Variants in CDH18 observed in about 807,000 individuals in gnomAD.
The protein encoded by CDH18 is cadherin 18.
In CDH18, 31 loss-of-function variants were observed where a neutral mutation model predicts 67.9. The ratio of observed to expected loss-of-function variants is 0.46; its 90% CI spans 0.34 to 0.62. The LOEUF (loss-of-function observed/expected upper bound fraction) is 0.62, where lower values mean the gene tolerates loss of function less well. CDH18 is among the 20% of genes least tolerant of loss of function. The probability of loss-of-function intolerance (pLI) is 0.01; values close to 1 mark genes in which losing one functional copy is unlikely to be tolerated. For missense variants in CDH18, 890 were observed against 975.5 expected, an observed-to-expected ratio of 0.91 and a Z score of 1.17; for synonymous variants, 362 against 347.2, an observed-to-expected ratio of 1.04 and a Z score of -0.48.
intron 2 of CDH18, among the ~76,000 whole-genome samples, chr5:20,055,990 CTTTTTTTTTTTTTTTT>C (rs34736791): frequency 1.6e-4 from 12 of 73,790 alleles, no homozygotes; most frequent in Non-Finnish European, 2.2e-4. Flanking sequence ...TTTTGGTTTC[CTTTTTTTTTTTTTTTT>C]TTTTTTTTTT....
At chr5:20,114,160 C>G (rs972133360) in intron 2 of CDH18, among the ~76,000 whole-genome samples, 1 of 152,160 alleles carries the variant, frequency 6.6e-6, no homozygotes, top group Non-Finnish European at 1.5e-5. Flanking sequence ...CTATCTGAAT[C>G]AAGGAGAGTT....
At chr5:19,491,645 A>G (rs1358436669) in intron 11 of CDH18, among the ~76,000 whole-genome samples, 1 of 152,206 alleles carries the variant, frequency 6.6e-6, no homozygotes, top group East Asian at 1.9e-4. Flanking sequence ...CCCTTATTGT[A>G]ACTTCTATGC....
At chr5:20,038,729 C>G (rs936161846) in intron 2 of CDH18, among the ~76,000 whole-genome samples, 1 of 152,048 alleles carries the variant, frequency 6.6e-6, no homozygotes, top group Non-Finnish European at 1.5e-5. Context: ...AAACCCACAG[C>G]CAATATCATA....
chr5:20,448,168 C>T (rs915760983), intron 1 of CDH18, among the ~76,000 whole-genome samples: 8 of 151,804 alleles, frequency 5.3e-5, no homozygotes, highest in Non-Finnish European at 8.8e-5. Context: ...TTTGTCCTTG[C>T]GATAGTTTGC....
At chr5:20,348,862 CA>C (rs1272289234) in intron 1 of CDH18, among the ~76,000 whole-genome samples, 2 of 152,026 alleles carry the variant, frequency 1.3e-5, no homozygotes, top group East Asian at 1.9e-4. Context: ...AAAAACTAAA[CA>C]AAAACTTACC....
intron 2 of CDH18, among the ~76,000 whole-genome samples, chr5:20,088,424 C>T (rs115696691): frequency 5.7e-4 from 87 of 152,236 alleles, no homozygotes; most frequent in African/African-American, 2.0e-3. Flanking sequence ...GTTTTGCTAG[C>T]AATTTATTGG....
At chr5:20,299,737 G>A (rs1747814339) in intron 1 of CDH18, among the ~76,000 whole-genome samples, 1 of 121,068 alleles carries the variant, frequency 8.3e-6, no homozygotes. Flanking sequence ...CAGCCTGGGT[G>A]ACAGAGCAAG....
intron 3 of CDH18, among the ~76,000 whole-genome samples, chr5:19,801,847 C>T (rs919099903): frequency 1.3e-5 from 2 of 152,148 alleles, no homozygotes; most frequent in Admixed American, 1.3e-4. Context: ...ACAGTTCCCC[C>T]CCAACACCAT....
intron 2 of CDH18, among the ~76,000 whole-genome samples, chr5:19,966,104 T>TA (rs1797413741): frequency 6.6e-6 from 1 of 152,168 alleles, no homozygotes; most frequent in Non-Finnish European, 1.5e-5. Context: ...GATTTATATA[T>TA]AAAAAGATAA....
intron 5 of CDH18, among the ~76,000 whole-genome samples, chr5:19,717,841 G>T (rs1442996884): frequency 6.6e-6 from 1 of 151,912 alleles, no homozygotes; most frequent in East Asian, 1.9e-4. Context: ...AATAGCATAT[G>T]TATTTTATAT....
chr5:19,966,128 T>C lies in CDH18; in HGVS notation c.-257+14932A>G, dbSNP rs1797416777. ...ATAAAAAGATAATTTGTTTAAAAGATTGAAAGAAAGGCAACAGAAAGATCA... is the reference window on the plus strand; with the variant it reads ...ATAAAAAGATAATTTGTTTAAAAGACTGAAAGAAAGGCAACAGAAAGATCA... On this transcript the variant is annotated intron_variant, in intron 2 of 12. Transcript: ENST00000382275. 3.3e-5 allele frequency among the ~76,000 whole-genome samples: 5 copies of C among 152,174 alleles called. No homozygotes were observed. The South Asian group carries it at 1.0e-3, about 32-fold the overall frequency.
rs1158293022 is a variant in CDH18, at chr5:20,187,725, T to G, written c.-518+67719A>C. 2.0e-5 allele frequency among the ~76,000 whole-genome samples: 3 copies of G among 151,846 alleles called. No individual in the cohort carries two copies. In the East Asian group the frequency reaches 5.8e-4, roughly 29 times the overall value. Reference sequence around the variant, plus strand: ...AATCAAGAATCTGAGCAGTTGATATTTTAGAGTATTATGCTTTATTTTATA... The same window carrying G: ...AATCAAGAATCTGAGCAGTTGATATGTTAGAGTATTATGCTTTATTTTATA... On this transcript the variant is annotated intron_variant, in intron 2 of 14. Coordinates refer to the CDH18 transcript ENST00000507958.
intron 2 of CDH18, among the ~76,000 whole-genome samples, chr5:20,181,790 G>A (rs1253294686): frequency 6.6e-6 from 1 of 152,044 alleles, no homozygotes; most frequent in Non-Finnish European, 1.5e-5. Context: ...AAATAAGCAT[G>A]CTATCAGGCA....
chr5:20,164,789 G>A (rs1312299349), intron 2 of CDH18, among the ~76,000 whole-genome samples: 1 of 152,102 alleles, frequency 6.6e-6, no homozygotes, highest in East Asian at 1.9e-4. Flanking sequence ...ATGAGTCCAA[G>A]TCGTTTACCT....
At chr5:20,388,600 C>A (rs943270107) in intron 1 of CDH18, among the ~76,000 whole-genome samples, 2 of 151,896 alleles carry the variant, frequency 1.3e-5, no homozygotes, top group African/African-American at 4.8e-5. Context: ...TTATTTCATG[C>A]CTTCTGCTAG....
intron 3 of CDH18, among the ~76,000 whole-genome samples, chr5:19,831,378 G>A (rs937249822): frequency 6.6e-6 from 1 of 151,512 alleles, no homozygotes; most frequent in Non-Finnish European, 1.5e-5. Context: ...TCCTACAAAG[G>A]TATAATATCT....
At chr5:20,326,081 G>T (rs1346365723) in intron 1 of CDH18, among the ~76,000 whole-genome samples, 1 of 152,096 alleles carries the variant, frequency 6.6e-6, no homozygotes, top group Non-Finnish European at 1.5e-5. Context: ...TACTCTTTCT[G>T]CAAGATCTCA....
rs916953686 is a variant in CDH18, at chr5:19,474,457, A to G, written c.1883-741T>C. Among the ~76,000 whole-genome samples the G allele has an allele frequency of 3.9e-5, 6 of 152,014 alleles. No homozygotes were observed. The East Asian group carries it at 1.2e-3, about 29-fold the overall frequency. ...TAACCCATTTATGCCTGAGGTTGCA[A>G]TTTTTTGTGTGTGAAAAATCAGACT... On this transcript the variant is annotated intron_variant, in intron 12 of 12. Transcript: ENST00000382275.
At chr5:19,882,136 T>A (rs1277894149) in intron 2 of CDH18, among the ~76,000 whole-genome samples, 1 of 152,178 alleles carries the variant, frequency 6.6e-6, no homozygotes, top group Admixed American at 6.5e-5. Flanking sequence ...GTGCAACTCA[T>A]AATACATGTC....
Sources: allele counts gnomAD v4.1 joint callset (sites outside exome capture counted in the v4.1 genomes callset), GRCh38; gene constraint gnomAD v4.1.1; transcripts MANE v1.5; gene names NCBI Gene and HGNC (gene_info 2026-07-23, HGNC 2026-07-21).